The following ITPR1 variants were observed in gnomAD, a reference collection of about 807,000 sequenced individuals.
ITPR1 encodes inositol 1,4,5-trisphosphate-gated calcium channel ITPR1.
Under a neutral mutation model 318.4 loss-of-function variants are expected in ITPR1, and 96 were observed. The observed-to-expected ratio is 0.30, with a 90% CI of 0.26 to 0.36. The LOEUF (loss-of-function observed/expected upper bound fraction) is 0.36. Among genes scored for constraint, ITPR1 ranks in the 10% least tolerant of loss-of-function variants. The pLI is 1.00. For synonymous variants in ITPR1, 1,312 were observed against 1,289.9 expected, an observed-to-expected ratio of 1.02 and a Z score of -0.37; for missense variants, 2,440 against 3,460.2, an observed-to-expected ratio of 0.71 and a Z score of 7.40.
At chr3:4,792,565 G>A (rs544580940) in intron 52 of ITPR1, among the ~76,000 whole-genome samples, 5 of 152,146 alleles carry the variant, frequency 3.3e-5, no homozygotes, top group Non-Finnish European at 4.4e-5. Flanking sequence ...TACAGGGTCC[G>A]CTCCTTGGTG....
intron 60 of ITPR1, among the ~76,000 whole-genome samples, chr3:4,834,219 C>T (rs1256717706): frequency 6.6e-6 from 1 of 152,152 alleles, no homozygotes; most frequent in Non-Finnish European, 1.5e-5. Context: ...TAGATGGTCA[C>T]TCTCCTTGAC....
intron 34 of ITPR1, among the ~76,000 whole-genome samples, 194 bp from the exon 35 acceptor site, chr3:4,699,619 G>C (rs557920842): frequency 2.6e-4 from 39 of 152,312 alleles, no homozygotes; most frequent in Non-Finnish European, 4.7e-4. Context: ...TTTGCATCAT[G>C]ATATCCAAGC....
At chr3:4,724,777 A>G (rs1047769084) in intron 40 of ITPR1, among the ~76,000 whole-genome samples, 1 of 152,062 alleles carries the variant, frequency 6.6e-6, no homozygotes, top group African/African-American at 2.4e-5. Flanking sequence ...CCTCACCTGC[A>G]TGTCCTTTCG....
At chr3:4,529,865 A>G (rs1251528097) in intron 4 of ITPR1, among the ~76,000 whole-genome samples, 2 of 152,178 alleles carry the variant, frequency 1.3e-5, no homozygotes, top group Admixed American at 6.5e-5. Flanking sequence ...ACAACCCCAT[A>G]AGTAAGACCG....
rs866569738 is a variant in ITPR1 at position 4,829,978 on chromosome 3, T to G, written c.8029-6796T>G. ...AGTTTTTTTTTTTTTTTTTTTTTTT[T>G]TGTGTGTGTGTGTGAAACGGAGTCC... is the stretch of plus-strand genomic sequence containing the variant. On this transcript the variant is annotated intron_variant, in intron 60 of 61. Coordinates refer to ENST00000649015, the MANE Select transcript of ITPR1 (RefSeq NM_001378452.1). Among the ~76,000 whole-genome samples the G allele has an allele frequency of 4.3e-3, 395 of 92,588 alleles. 8 individuals are homozygous for G. Among genetic ancestry groups the G allele is most frequent in the African/African-American group, 0.014 (371 of 26,240 alleles). The allele number at this position is 92,588 out of a possible 152,430, so 60.7% of individuals were successfully genotyped here. A position where few individuals can be genotyped will look rare whatever the true frequency, so the allele number is the denominator to read the frequency against.
At chr3:4,519,068 A>G (rs968627028) in intron 3 of ITPR1, among the ~76,000 whole-genome samples, 10 of 152,184 alleles carry the variant, frequency 6.6e-5, no homozygotes, top group African/African-American at 1.7e-4. Context: ...ACCAACTTTC[A>G]TTTTACAGAT....
intron 4 of ITPR1, among the ~76,000 whole-genome samples, chr3:4,614,205 G>C (rs1454386406): frequency 3.9e-5 from 6 of 152,218 alleles, no homozygotes; most frequent in Admixed American, 3.9e-4. Context: ...GATGGAGGCT[G>C]AAGTGAGCCT....
chr3:4,735,923 T>C (rs995334336), intron 44 of ITPR1, among the ~76,000 whole-genome samples: 6 of 152,232 alleles, frequency 3.9e-5, no homozygotes, highest in African/African-American at 1.4e-4. Flanking sequence ...AGGTATGATA[T>C]ATATTTAAAA....
chr3:4,529,489 C>T (rs754808763), intron 4 of ITPR1, among the ~76,000 whole-genome samples: 7 of 152,106 alleles, frequency 4.6e-5, no homozygotes, highest in Non-Finnish European at 7.4e-5. Flanking sequence ...TTTATAATCC[C>T]GTCTTGAGCA....
intron 4 of ITPR1, among the ~76,000 whole-genome samples, chr3:4,574,834 CTAGTCTGT>C (rs1346295903): frequency 6.6e-6 from 1 of 152,224 alleles, no homozygotes; most frequent in Non-Finnish European, 1.5e-5. Context: ...TTCAGTCTTA[CTAGTCTGT>C]TAGAAGCAAC....
chr3:4,730,393 G>C, intron 42 of ITPR1, among the ~76,000 whole-genome samples: 1 of 143,992 alleles, frequency 6.9e-6, no homozygotes, highest in Non-Finnish European at 1.6e-5. Flanking sequence ...GTGTGTGTGT[G>C]TGTGTGTGTG....
chr3:4,667,846 G>A (rs1343561913), intron 18 of ITPR1, among the ~76,000 whole-genome samples: 2 of 152,180 alleles, frequency 1.3e-5, no homozygotes, highest in South Asian at 2.1e-4. Flanking sequence ...CGCAGGTGAC[G>A]TGCAGGCACT....
At position 4,715,992 on chromosome 3, in the gene ITPR1, C is replaced by T. The variant is rs74877291; in HGVS notation, c.5104-1375C>T. ...ATGTCTCTAAAATGCAAAGGACCACCAATGCATATACTTCTCAGATCGTTA... is the reference window on the plus strand; with the variant it reads ...ATGTCTCTAAAATGCAAAGGACCACTAATGCATATACTTCTCAGATCGTTA... On this transcript the variant is annotated intron_variant, in intron 39 of 61. Transcript: ENST00000649015. Among the ~76,000 whole-genome samples, 166 of 152,200 alleles carry T rather than the reference C, an allele frequency of 1.1e-3. 4 individuals are homozygous for T. The South Asian group carries it at 0.021, about 19-fold the overall frequency.
intron 10 of ITPR1, among the ~76,000 whole-genome samples, chr3:4,650,606 AGTGTGT>A (rs1177734281): frequency 6.8e-4 from 94 of 137,396 alleles, no homozygotes; most frequent in African/African-American, 2.5e-3. Flanking sequence ...GATATGCCTT[AGTGTGT>A]GTGTGTGTGT....
intron 4 of ITPR1, among the ~76,000 whole-genome samples, chr3:4,524,892 G>A (rs1333852873): frequency 6.6e-6 from 1 of 152,184 alleles, no homozygotes; most frequent in African/African-American, 2.4e-5. Context: ...TAAAATGGGA[G>A]AGGATAATAG....
At chr3:4,750,240 T>C (rs1052957690) in intron 44 of ITPR1, 9 of 142,880 alleles carry the variant, frequency 6.3e-5, no homozygotes, top group African/African-American at 2.1e-4. Context: ...AGCTGGTGGA[T>C]TTTTTTTTTT....
chr3:4,704,123 C>G (rs944995772), intron 36 of ITPR1, among the ~76,000 whole-genome samples: 8 of 152,174 alleles, frequency 5.3e-5, no homozygotes, highest in African/African-American at 1.9e-4. Flanking sequence ...GAAAAACTAC[C>G]TGTTGGAGGC....
chr3:4,736,579 G>C (rs2043287732), intron 44 of ITPR1, among the ~76,000 whole-genome samples: 1 of 152,222 alleles, frequency 6.6e-6, no homozygotes, highest in Admixed American at 6.5e-5. Flanking sequence ...TTGGGATTTG[G>C]GACAATGAGT....
intron 40 of ITPR1, among the ~76,000 whole-genome samples, chr3:4,717,618 T>C (rs1246582737): frequency 6.6e-6 from 1 of 152,202 alleles, no homozygotes; most frequent in Non-Finnish European, 1.5e-5. Flanking sequence ...TGAGTCTAGA[T>C]GAAGACTTTC....
Sources: gnomAD v4.1 joint callset for allele counts (sites outside exome capture counted in the v4.1 genomes callset) on GRCh38, gnomAD v4.1.1 for gene constraint, MANE v1.5 for transcripts, NCBI Gene and HGNC (gene_info 2026-07-23, HGNC 2026-07-21) for gene names.